The following TXN variants were observed in gnomAD, a reference collection of about 807,000 sequenced individuals.
The protein encoded by TXN is thioredoxin, also known as ADF.
A neutral mutation model predicts 16.5 loss-of-function variants in TXN; 10 were observed. The observed-to-expected ratio is 0.61, with a 90% CI of 0.37 to 1.03. The LOEUF is 1.03. Among genes scored for constraint, TXN ranks in the 50% least tolerant of loss-of-function variants. The pLI, the probability that TXN is intolerant of heterozygous loss-of-function variation, is 0.01. For synonymous variants in TXN, 35 were observed against 39.4 expected (o/e 0.89, Z 0.42); for missense variants, 71 against 122.5 (o/e 0.58, Z 1.98).
At chr9:110,251,051 T>C (rs1177712250) in intron 2 of TXN, among the ~76,000 whole-genome samples, 172 bp from the exon 3 acceptor site, 1 of 152,162 alleles carries the variant, frequency 6.6e-6, no homozygotes, top group African/African-American at 2.4e-5. Context: ...CTAAATCAAA[T>C]TTTTCTTAGT....
rs140710908 is a variant in TXN at position 110,252,001 on chromosome 9, G to A, written c.25-539C>T. Among the ~76,000 whole-genome samples the A allele has an allele frequency of 5.2e-3, 796 of 152,052 alleles. 8 individuals are homozygous for A. Among genetic ancestry groups the A allele is most frequent in the African/African-American group, 0.018 (764 of 41,482 alleles). Reference sequence around the variant, plus strand: ...AGCACTTTGGGAGGCCGAGGTGGGCGGATCACTAGGTCAGGAGTTCGAGAC... The same window carrying A: ...AGCACTTTGGGAGGCCGAGGTGGGCAGATCACTAGGTCAGGAGTTCGAGAC... On this transcript the variant is annotated intron_variant, in intron 1 of 4. Transcript: ENST00000374517.
intron 1 of TXN, among the ~76,000 whole-genome samples, chr9:110,252,223 C>CAAAAAAAAAAAAAAAAAAAAAA (rs377246017): frequency 8.6e-5 from 5 of 58,420 alleles, no homozygotes; most frequent in African/African-American, 4.6e-4. Context: ...GACTCTGTCG[C>CAAAAAAAAAAAAAAAAAAAAAA]AAAAAAAAAA....
intron 3 of TXN, among the ~76,000 whole-genome samples, chr9:110,246,539 C>T (rs1837663077): frequency 6.6e-6 from 1 of 152,138 alleles, no homozygotes; most frequent in African/African-American, 2.4e-5. Flanking sequence ...TATAGAACCA[C>T]TCAGCACCTA....
At chr9:110,248,848 G>A (rs759515854) in intron 3 of TXN, among the ~76,000 whole-genome samples, 6 of 152,090 alleles carry the variant, frequency 3.9e-5, no homozygotes, top group Non-Finnish European at 7.4e-5. Flanking sequence ...AAGGCCGGGC[G>A]TGGTGGATAA....
intron 2 of TXN, 143 bp downstream of exon 2, chr9:110,251,215 C>A: frequency 1.5e-6 from 1 of 684,646 alleles, no homozygotes. Flanking sequence ...ATTTGTTATA[C>A]TACTACTTTT....
intron 3 of TXN, among the ~76,000 whole-genome samples, chr9:110,250,423 G>T (rs1564080335): frequency 6.6e-6 from 1 of 152,176 alleles, no homozygotes; most frequent in Non-Finnish European, 1.5e-5. Context: ...GCAAATGCAG[G>T]TTCTCATGCT....
chr9:110,255,116 G>A (rs1316284594), intron 1 of TXN, among the ~76,000 whole-genome samples: 1 of 152,166 alleles, frequency 6.6e-6, no homozygotes, highest in African/African-American at 2.4e-5. Flanking sequence ...AGGAACAAAA[G>A]GATCGGGGAC....
At chr9:110,254,188 T>G (rs973889105) in intron 1 of TXN, among the ~76,000 whole-genome samples, 2 of 152,182 alleles carry the variant, frequency 1.3e-5, no homozygotes, top group Admixed American at 6.5e-5. Flanking sequence ...TGGTGCAAAT[T>G]TAGCCCATTA....
chr9:110,244,656 T>C, intron 4 of TXN, 122 bp downstream of exon 4: 1 of 845,644 alleles, frequency 1.2e-6, no homozygotes, highest in African/African-American at 1.7e-5. Flanking sequence ...ATTTAAAAAT[T>C]CTTAAAAGCA....
In TXN at chr9:110,244,008, T is replaced by C. The variant is rs2776; in HGVS notation, c.*149A>G. The C allele has an allele frequency of 0.52, 187,532 of 357,482 alleles. 51,779 individuals are homozygous for C. The highest frequency in any genetic ancestry group is 0.92 in the East Asian group (19,889 of 21,572). The allele number at this position is 357,482 out of a possible 1,614,324, so 22.1% of individuals were successfully genotyped here. ...ATTTATTTTGAAAGCTATTCAGACA[T>C]GAGACGGTTTTAAAAAGTGTTAGCA... On this transcript the variant is annotated 3_prime_UTR_variant, in exon 5 of 5. Transcript: ENST00000374517.
chr9:110,255,479 G>A (rs1249678428), intron 1 of TXN, among the ~76,000 whole-genome samples: 1 of 152,242 alleles, frequency 6.6e-6, no homozygotes, highest in Non-Finnish European at 1.5e-5. Context: ...TCGGGATACC[G>A]ATAGGTCGGC....
At chr9:110,254,117 C>T (rs1837775981) in intron 1 of TXN, among the ~76,000 whole-genome samples, 1 of 147,866 alleles carries the variant, frequency 6.8e-6, no homozygotes, top group Non-Finnish European at 1.5e-5. Flanking sequence ...TGAAATAGAT[C>T]CCAGTTGGCC....
chr9:110,250,836 T>A lies in TXN; in HGVS notation c.173A>T (p.Asp58Val), dbSNP rs977591006. The change falls in exon 3 of 5, where the codon GAT (aspartate) becomes GTT (valine). Residue 58 changes from aspartate to valine, a missense_variant. Transcript: ENST00000374517. ...KYSNVIFLEV[D>V]VDDCQDVASE... ...GCTACATACCTGACAGTCATCCACATCTACTTCAAGGAATATCACGTTGGA... is the reference window on the plus strand; with the variant it reads ...GCTACATACCTGACAGTCATCCACAACTACTTCAAGGAATATCACGTTGGA... The A allele has an allele frequency of 6.2e-7, 1 of 1,609,916 alleles. No individual in the cohort carries two copies. Among genetic ancestry groups the A allele is most frequent in the Non-Finnish European group, 8.5e-7 (1 of 1,178,910 alleles).
chr9:110,244,868 G>T (rs1050282949), intron 3 of TXN, 25 bp from the exon 4 acceptor site: 1 of 1,600,898 alleles, frequency 6.2e-7, no homozygotes, highest in Non-Finnish European at 8.6e-7. Context: ...AGCAAAGGGA[G>T]AGGATTAAAT....
chr9:110,245,166 T>C, intron 3 of TXN: 1 of 188,476 alleles, frequency 5.3e-6, no homozygotes, highest in South Asian at 1.1e-4. Flanking sequence ...TTTTCAACTA[T>C]TTTAAGTATC....
intron 1 of TXN, among the ~76,000 whole-genome samples, chr9:110,253,154 CA>C (rs138978621): frequency 5.8e-5 from 8 of 137,182 alleles, no homozygotes; most frequent in African/African-American, 2.2e-4. Flanking sequence ...ACCAAATAAA[CA>C]AAAAAAAACC....
At chr9:110,248,187 G>GA (rs35379458) in intron 3 of TXN, among the ~76,000 whole-genome samples, 1 of 151,586 alleles carries the variant, frequency 6.6e-6, no homozygotes, top group African/African-American at 2.4e-5. Context: ...ATTTATTGCT[G>GA]AAAAAAGAAA....
chr9:110,246,882 A>G, intron 3 of TXN, among the ~76,000 whole-genome samples: 1 of 152,226 alleles, frequency 6.6e-6, no homozygotes, highest in East Asian at 1.9e-4. Flanking sequence ...TACCATTTAT[A>G]AAATAAGTAT....
In TXN at chr9:110,256,480, A is replaced by G. The variant is rs1219609597; in HGVS notation, c.-45T>C. ...CGAGCGGCTGTAAGGACCGATGGAA[A>G]TGGATCCAAAGCACCAAACAGAGCT... On this transcript the variant is annotated 5_prime_UTR_variant, in exon 1 of 5. Transcript: ENST00000374517. The surrounding 1 kb of genome is among the most constrained non-coding windows in gnomAD (Gnocchi z 4.2). 3 of 1,589,524 alleles carry G rather than the reference A, an allele frequency of 1.9e-6. No homozygotes were observed. The highest frequency in any genetic ancestry group is 2.3e-5 in the South Asian group (2 of 88,152).
Sources: allele counts gnomAD v4.1 joint callset (sites outside exome capture counted in the v4.1 genomes callset), GRCh38; gene constraint gnomAD v4.1.1; non-coding constraint Gnocchi (gnomAD v3.1); transcripts MANE v1.5; gene names NCBI Gene and HGNC (gene_info 2026-07-23, HGNC 2026-07-21).